RPS6KC1: variants seen among roughly 807,000 people sequenced by gnomAD.
RPS6KC1 encodes the protein ribosomal protein S6 kinase C1.
In RPS6KC1, 54 loss-of-function variants were observed where a neutral mutation model predicts 103.8. The observed-to-expected ratio is 0.52, with a 90% CI of 0.42 to 0.65. The LOEUF is 0.65. RPS6KC1 is among the 30% of genes least tolerant of loss of function. The pLI, the probability that RPS6KC1 is intolerant of heterozygous loss-of-function variation, is 0.00. For missense variants in RPS6KC1, 1,151 were observed against 1,253.8 expected, an observed-to-expected ratio of 0.92 and a Z score of 1.24; for synonymous variants, 439 against 438.7, an observed-to-expected ratio of 1.00 and a Z score of -0.01.
intron 8 of RPS6KC1, among the ~76,000 whole-genome samples, chr1:213,182,850 C>A: frequency 6.8e-6 from 1 of 146,188 alleles, no homozygotes. Context: ...ATTTATATAT[C>A]ATGATATATA....
chr1:213,786,475 A>T, the RPS6KC1 span, among the ~76,000 whole-genome samples: 1 of 152,198 alleles, frequency 6.6e-6, no homozygotes, highest in Non-Finnish European at 1.5e-5. Flanking sequence ...GAACTCAGAA[A>T]GTAACAGGCA....
At chr1:213,203,874 C>G (rs570712124) in intron 8 of RPS6KC1, among the ~76,000 whole-genome samples, 1 of 152,268 alleles carries the variant, frequency 6.6e-6, no homozygotes, top group African/African-American at 2.4e-5. Flanking sequence ...GTAGCTTTTA[C>G]CTGTTAATTA....
At chr1:213,431,540 G>T in the RPS6KC1 span, among the ~76,000 whole-genome samples, 11 of 151,866 alleles carry the variant, frequency 7.2e-5, no homozygotes, top group Non-Finnish European at 1.5e-4. Context: ...TATTCTTTTA[G>T]GTCTTGCTTC....
chr1:213,330,013 C>CT, the RPS6KC1 span, among the ~76,000 whole-genome samples: 1 of 152,236 alleles, frequency 6.6e-6, no homozygotes, highest in Non-Finnish European at 1.5e-5. Context: ...ACAGACCTCT[C>CT]TACCAGCCTG....
intron 6 of RPS6KC1, among the ~76,000 whole-genome samples, chr1:213,140,706 A>G (rs1002755355): frequency 1.3e-5 from 2 of 152,082 alleles, no homozygotes; most frequent in African/African-American, 4.8e-5. Flanking sequence ...ATGGTAGATT[A>G]GCTTTTTGAT....
chr1:213,197,505 T>A (rs571341562), intron 8 of RPS6KC1, among the ~76,000 whole-genome samples: 3 of 151,676 alleles, frequency 2.0e-5, no homozygotes, highest in African/African-American at 7.3e-5. Flanking sequence ...TTCACCTCCT[T>A]GGTTAGGTGT....
intron 8 of RPS6KC1, among the ~76,000 whole-genome samples, chr1:213,214,097 C>T (rs1027502579): frequency 1.2e-4 from 14 of 114,914 alleles, no homozygotes; most frequent in Non-Finnish European, 2.1e-4. Context: ...ACCTGGGAAG[C>T]GCAAGGGGTC....
chr1:213,635,266 A>C, the RPS6KC1 span, among the ~76,000 whole-genome samples: 1 of 152,220 alleles, frequency 6.6e-6, no homozygotes. Flanking sequence ...TCCCTAACTC[A>C]TTTTACGACG....
At chr1:213,402,870 T>A in the RPS6KC1 span, among the ~76,000 whole-genome samples, 1 of 140,186 alleles carries the variant, frequency 7.1e-6, no homozygotes, top group Non-Finnish European at 1.5e-5. Context: ...TTTTTTTGGG[T>A]GGGGGAGGCC....
the RPS6KC1 span, among the ~76,000 whole-genome samples, chr1:213,558,739 A>G: frequency 0.015 from 2,244 of 152,286 alleles, 26 homozygotes; most frequent in South Asian, 0.032. Context: ...ACTGTAACCT[A>G]TTGTTGTGCC....
chr1:213,225,123 C>T (rs2093929370), intron 8 of RPS6KC1, among the ~76,000 whole-genome samples: 1 of 152,174 alleles, frequency 6.6e-6, no homozygotes, highest in African/African-American at 2.4e-5. Flanking sequence ...GGAAAGCATT[C>T]ACCAGCCTGA....
intron 8 of RPS6KC1, among the ~76,000 whole-genome samples, chr1:213,197,910 T>C (rs745967623): frequency 7.2e-5 from 11 of 152,206 alleles, no homozygotes; most frequent in Non-Finnish European, 1.2e-4. Flanking sequence ...TCTGCCATTC[T>C]GTATCTTTCA....
the RPS6KC1 span, among the ~76,000 whole-genome samples, chr1:213,469,245 G>A: frequency 6.6e-6 from 1 of 152,186 alleles, no homozygotes; most frequent in Non-Finnish European, 1.5e-5. Flanking sequence ...ATATGAAAGA[G>A]CTCACAGCTG....
the RPS6KC1 span, among the ~76,000 whole-genome samples, chr1:213,543,440 G>C: frequency 6.6e-6 from 1 of 152,150 alleles, no homozygotes; most frequent in African/African-American, 2.4e-5. Context: ...ATGTGGGAGG[G>C]AGAACTCACC....
At chr1:213,531,628 T>A in the RPS6KC1 span, among the ~76,000 whole-genome samples, 1 of 152,226 alleles carries the variant, frequency 6.6e-6, no homozygotes, top group Non-Finnish European at 1.5e-5. Context: ...CCAGGACAGC[T>A]GGACGAGCAA....
At chr1:213,589,296 T>G in the RPS6KC1 span, among the ~76,000 whole-genome samples, 3,688 of 152,282 alleles carry the variant, frequency 0.024, 152 homozygotes, top group African/African-American at 0.084. Context: ...AGAAGGTTGG[T>G]CAGTCAAGGA....
At chr1:213,755,832 A>G in the RPS6KC1 span, among the ~76,000 whole-genome samples, 2 of 152,214 alleles carry the variant, frequency 1.3e-5, no homozygotes, top group Non-Finnish European at 2.9e-5. Flanking sequence ...CTTTAGCAAT[A>G]AAGTAGTTTT....
chr1:213,837,340 T>A, the RPS6KC1 span: 2 of 152,212 alleles, frequency 1.3e-5, no homozygotes, highest in African/African-American at 4.8e-5. Flanking sequence ...TATAAAAATT[T>A]AAAATCACAT....
the RPS6KC1 span, among the ~76,000 whole-genome samples, chr1:213,477,058 CT>C: frequency 6.6e-6 from 1 of 152,174 alleles, no homozygotes; most frequent in Non-Finnish European, 1.5e-5. Flanking sequence ...GACCTTCCCC[CT>C]GATGAAAGAT....
Sources: allele counts gnomAD v4.1 joint callset (sites outside exome capture counted in the v4.1 genomes callset), GRCh38; gene constraint gnomAD v4.1.1; transcripts MANE v1.5; gene names NCBI Gene and HGNC (gene_info 2026-07-23, HGNC 2026-07-21).